ASMT: variants seen among roughly 807,000 people sequenced by gnomAD.
ASMT encodes the protein acetylserotonin N-methyltransferase.
Under a neutral mutation model 41.3 loss-of-function variants are expected in ASMT, and 53 were observed. The ratio of observed to expected loss-of-function variants is 1.28; its 90% CI spans 1.03 to 1.61. The LOEUF (loss-of-function observed/expected upper bound fraction) is 1.61, where lower values mean the gene tolerates loss of function less well. Among genes scored for constraint, ASMT ranks in the 40% most tolerant of loss-of-function variants. The pLI is 0.00. For synonymous variants in ASMT, 231 were observed against 184.8 expected (o/e 1.25, Z -2.03); for missense variants, 531 against 441.3 (o/e 1.20, Z -1.82).
chrX:1,618,643 T>G (rs1205069844), intron 1 of ASMT, among the ~76,000 whole-genome samples: 186 of 129,280 alleles, frequency 1.4e-3, no homozygotes, highest in African/African-American at 2.2e-3. Flanking sequence ...CATCATGTTG[T>G]CCAGGCTGGT....
intron 5 of ASMT, among the ~76,000 whole-genome samples, chrX:1,631,588 C>A (rs1934778087): frequency 6.6e-6 from 1 of 152,088 alleles, no homozygotes; most frequent in African/African-American, 2.4e-5. Context: ...AGTTCAGGAT[C>A]CCCCTGCCTG....
intron 1 of ASMT, among the ~76,000 whole-genome samples, chrX:1,620,025 G>A (rs1422701464): frequency 1.3e-5 from 2 of 150,992 alleles, no homozygotes; most frequent in African/African-American, 4.9e-5. Flanking sequence ...CCCGGGAGGC[G>A]GAGCTTGCTG....
In ASMT at chrX:1,641,429, C is replaced by A. The variant is rs1194497432; in HGVS notation, c.911-1374C>A. On this transcript the variant is annotated intron_variant, in intron 8 of 8. Coordinates refer to ENST00000381241, the MANE Select transcript of ASMT (RefSeq NM_001171038.2). ...CTGATGGTCCATGAGGATGTGGACA[C>A]AGCCGCTCTGTGTGTGATGGGGACA... Among the ~76,000 whole-genome samples, 18 of 148,678 alleles carry A rather than the reference C, an allele frequency of 1.2e-4. 2 individuals carry two copies. Among genetic ancestry groups the A allele is most frequent in the Non-Finnish European group, 1.5e-4 (10 of 67,062 alleles).
intron 5 of ASMT, among the ~76,000 whole-genome samples, chrX:1,631,098 T>G (rs1255630007): frequency 6.8e-6 from 1 of 146,982 alleles, no homozygotes; most frequent in Admixed American, 6.9e-5. Flanking sequence ...TTTTTTTTAG[T>G]AGAGACGGGG....
chrX:1,618,579 C>T (rs1314524495), intron 1 of ASMT, among the ~76,000 whole-genome samples: 6 of 149,360 alleles, frequency 4.0e-5, no homozygotes, highest in Admixed American at 6.8e-5. Context: ...GGATGACGGG[C>T]GTGAGCCACT....
chrX:1,624,173 C>G, intron 2 of ASMT, 96 bp from the exon 3 acceptor site: 2 of 1,483,862 alleles, frequency 1.3e-6, no homozygotes, highest in Non-Finnish European at 9.4e-7. Flanking sequence ...GGCTTGTAAT[C>G]ATGTTGAAAT....
At chrX:1,636,878 C>T (rs1349195342) in intron 8 of ASMT, among the ~76,000 whole-genome samples, 2 of 152,060 alleles carry the variant, frequency 1.3e-5, no homozygotes, top group African/African-American at 2.4e-5. Context: ...GAGGTCCACC[C>T]ATCCTGATGG....
At chrX:1,628,190 G>C (rs1347534003) in intron 4 of ASMT, among the ~76,000 whole-genome samples, 4 of 152,090 alleles carry the variant, frequency 2.6e-5, no homozygotes, top group African/African-American at 9.7e-5. Context: ...GCGTGGTGGC[G>C]GACGCCTGTA....
chrX:1,628,305 G>T (rs1263385102), intron 4 of ASMT, among the ~76,000 whole-genome samples: 1 of 152,168 alleles, frequency 6.6e-6, no homozygotes, highest in African/African-American at 2.4e-5. Context: ...TGGGCAACAA[G>T]AGTGAAACTC....
chrX:1,625,205 C>T (rs1310367684), intron 3 of ASMT, among the ~76,000 whole-genome samples: 4 of 150,656 alleles, frequency 2.7e-5, no homozygotes, highest in Admixed American at 6.6e-5. Flanking sequence ...CCCGGGTTCA[C>T]GCCATTCTCC....
At position 1,637,085 on chromosome X, in the gene ASMT, GATAA is replaced by G. The variant is rs1569384621; in HGVS notation, c.910+526_910+529del. Among the ~76,000 whole-genome samples the G allele has an allele frequency of 5.7e-3, 562 of 98,172 alleles. 65 individuals are homozygous for G. Among genetic ancestry groups the G allele is most frequent in the Non-Finnish European group, 9.1e-3 (410 of 44,970 alleles). 64.4% of individuals were successfully genotyped at this position (98,172 alleles called of 152,430 possible). A position where few individuals can be genotyped will look rare whatever the true frequency, so the allele number is the denominator to read the frequency against. On this transcript the variant is annotated intron_variant, in intron 8 of 8. Coordinates refer to ENST00000381241, the MANE Select transcript of ASMT (RefSeq NM_001171038.2). ...ATGTGGGCACAGCCTCTGTGTGTGA[GATAA>G]GGACTGTGTCCCAGCTCTCCTGTGA...
intron 4 of ASMT, 150 bp from the exon 5 acceptor site, chrX:1,629,671 G>A (rs1357871726): frequency 4.1e-5 from 33 of 813,324 alleles, no homozygotes; most frequent in African/African-American, 2.0e-4. Context: ...CCCCCATCCC[G>A]AATGACTTCC....
At position 1,624,289 on chromosome X, in the gene ASMT, C is replaced by A; in HGVS notation, c.265C>A (p.Leu89Met). 6.2e-7 allele frequency: 1 copy of A among 1,613,980 alleles called. No homozygotes were observed. The highest frequency in any genetic ancestry group is 8.5e-7 in the Non-Finnish European group (1 of 1,179,874). ...TTCAGCTTTCTATCGAAACACAGAG[C>A]TGTCCAGCGACTACCTGACCACGGT... ...GGKAFYRNTELSSDYLTTVSP... is the reference protein window; with the variant it reads ...GGKAFYRNTEMSSDYLTTVSP... The change falls in exon 3 of 9, where the codon CTG (leucine) becomes ATG (methionine). Residue 89 changes from leucine (L) to methionine (M), a missense_variant. Physicochemically the swap from Leu to Met is conservative, Grantham distance 15. Coordinates refer to ENST00000381241, the MANE Select transcript of ASMT (RefSeq NM_001171038.2).
chrX:1,642,461 A>T (rs1475681758), intron 8 of ASMT, among the ~76,000 whole-genome samples: 37 of 131,064 alleles, frequency 2.8e-4, no homozygotes, highest in Admixed American at 6.4e-4. Flanking sequence ...CAGTGTCCTG[A>T]GAGGTCCATC....
At chrX:1,636,117 G>A (rs1346951395) in intron 7 of ASMT, 10 of 368,106 alleles carry the variant, frequency 2.7e-5, no homozygotes, top group Non-Finnish European at 4.7e-5. Flanking sequence ...CATCACGCCC[G>A]GCTAATTTTT....
Position 1,623,147 on chromosome X carries a change from C to A in ASMT, c.78C>A (p.Phe26Leu), listed in dbSNP as rs368151541. ...ANGFMVSQVL[F>L]AACELGVFDL... is the part of the protein sequence containing the mutation. Reference sequence around the variant, plus strand: ...TCCGCTCCTGCTCCAAGGTTCTCTTCGCCGCCTGCGAGCTGGGCGTGTTTG... The same window carrying A: ...TCCGCTCCTGCTCCAAGGTTCTCTTAGCCGCCTGCGAGCTGGGCGTGTTTG... Residue 26 changes from phenylalanine (F) to leucine (L), a missense_variant, in exon 2 of 9, where the codon TTC becomes TTA. Transcript: ENST00000381241. 6.2e-7 allele frequency: 1 copy of A among 1,612,508 alleles called. No individual in the cohort carries two copies. The highest frequency in any genetic ancestry group is 8.5e-7 in the Non-Finnish European group (1 of 1,179,806).
rs750232567 is a variant in ASMT at position 1,624,404 on chromosome X, G to A, written c.374+6G>A. ...CACCTGGCAGACGCCGTGAGGTGGG[G>A]GCTGCCCCCAGGCAGATGCTGGGAG... On this transcript the variant is annotated splice_donor_region_variant and intron_variant, in intron 3 of 8. Coordinates refer to ENST00000381241, the MANE Select transcript of ASMT (RefSeq NM_001171038.2). 4.2e-5 allele frequency: 67 copies of A among 1,611,384 alleles called. 1 individual carries two copies. In the South Asian group the frequency reaches 6.7e-4, roughly 16 times the overall value.
chrX:1,627,048 GGT>G (rs1934574567), intron 3 of ASMT, among the ~76,000 whole-genome samples: 1 of 149,908 alleles, frequency 6.7e-6, no homozygotes, highest in African/African-American at 2.5e-5. Context: ...AATAAGGCCA[GGT>G]GCGGTGGCTC....
At chrX:1,627,835 G>A (rs1368106345) in intron 4 of ASMT, 64 bp downstream of exon 4, 29 of 1,490,754 alleles carry the variant, frequency 1.9e-5, no homozygotes, top group Non-Finnish European at 2.7e-5. Context: ...AAAGGACTTA[G>A]GAAACCCAAT....
Sources: gnomAD v4.1 joint callset for allele counts (sites outside exome capture counted in the v4.1 genomes callset) on GRCh38, gnomAD v4.1.1 for gene constraint, MANE v1.5 for transcripts, NCBI Gene and HGNC (gene_info 2026-07-23, HGNC 2026-07-21) for gene names.